Variants in FHDC1 observed in about 807,000 individuals in gnomAD.
FHDC1 encodes the protein FH2 domain-containing protein 1.
FHDC1 carries 25 observed loss-of-function variants against 52.6 expected under a neutral mutation model. The observed-to-expected ratio is 0.48, with a 90% CI of 0.35 to 0.66. The LOEUF (loss-of-function observed/expected upper bound fraction) is 0.66. Among genes scored for constraint, FHDC1 ranks in the 30% least tolerant of loss-of-function variants. The pLI is 0.01. For missense variants in FHDC1, 1,459 were observed against 1,452.8 expected (o/e 1.00, Z -0.07); for synonymous variants, 616 against 581.5 (o/e 1.06, Z -0.85).
chr4:152,938,070 G>A (rs116428930), intron 1 of FHDC1, among the ~76,000 whole-genome samples: 2,465 of 152,240 alleles, frequency 0.016, 63 homozygotes, highest in African/African-American at 0.055. Flanking sequence ...CGTGTGGACA[G>A]AAACGACCTC....
chr4:152,953,639 A>G, intron 3 of FHDC1, 79 bp downstream of exon 3: 1 of 1,217,236 alleles, frequency 8.2e-7, no homozygotes, highest in Non-Finnish European at 1.2e-6. Context: ...ACTGAGCTGG[A>G]ATTCAAATTC....
chr4:152,956,930 CG>C (rs139328686), intron 4 of FHDC1, among the ~76,000 whole-genome samples: 107 of 152,226 alleles, frequency 7.0e-4, no homozygotes, highest in African/African-American at 2.5e-3. Context: ...TAAACCCTCC[CG>C]GGTATCTGTG....
At chr4:152,935,138 C>A (rs918949269), upstream of FHDC1, among the ~76,000 whole-genome samples, 2 of 152,184 alleles carry the variant, frequency 1.3e-5, no homozygotes, top group East Asian at 3.8e-4. Flanking sequence ...TATTGGCAGG[C>A]ACAGTTTTGG....
chr4:152,961,396 G>C (rs925076863), intron 6 of FHDC1, among the ~76,000 whole-genome samples: 1 of 152,198 alleles, frequency 6.6e-6, no homozygotes, highest in Non-Finnish European at 1.5e-5. Context: ...ATTTAAATTT[G>C]AGAGGGGCAG....
Position 152,937,344 on chromosome 4 carries a change from C to T in FHDC1, c.-131+935C>T, listed in dbSNP as rs187543506. 2.3e-3 allele frequency among the ~76,000 whole-genome samples: 348 copies of T among 152,250 alleles called. 3 individuals carry two copies. Among genetic ancestry groups the T allele is most frequent in the African/African-American group, 7.8e-3 (324 of 41,574 alleles). ...GGAAGACCCCCCCTTTCGTTTCATTCACACGGACACCTCCCCTAGTTAGCC... is the reference window on the plus strand; with the variant it reads ...GGAAGACCCCCCCTTTCGTTTCATTTACACGGACACCTCCCCTAGTTAGCC... On this transcript the variant is annotated intron_variant, in intron 1 of 11. Coordinates refer to ENST00000511601, the MANE Select transcript of FHDC1 (RefSeq NM_001371116.1).
chr4:152,970,689 A>G (rs1317756791), intron 10 of FHDC1, among the ~76,000 whole-genome samples: 1 of 152,240 alleles, frequency 6.6e-6, no homozygotes, highest in Non-Finnish European at 1.5e-5. Context: ...ATACAGCATG[A>G]ATGCACACAC....
At chr4:152,947,820 G>T (rs530520646) in intron 2 of FHDC1, among the ~76,000 whole-genome samples, 4 of 152,204 alleles carry the variant, frequency 2.6e-5, no homozygotes, top group African/African-American at 9.6e-5. Flanking sequence ...AAGAGAGAGA[G>T]AGAGAGAGAG....
rs983238875 is a variant in FHDC1, at chr4:152,977,872, G to C, written c.*1149G>C. ...CTTCCCCATAAGCCTTGGGTATCCT[G>C]TGATGGGCTGTGTCTCCCTGAAGAT... On this transcript the variant is annotated 3_prime_UTR_variant, in exon 12 of 12. Transcript: ENST00000511601. The C allele has an allele frequency of 6.6e-6, 1 of 152,274 alleles. No homozygotes were observed. Among genetic ancestry groups the C allele is most frequent in the Non-Finnish European group, 1.5e-5 (1 of 68,088 alleles). The allele number at this position is 152,274 out of a possible 1,614,324, so 9.4% of individuals were successfully genotyped here.
At chr4:152,912,847 G>A in the FHDC1 span, among the ~76,000 whole-genome samples, 8 of 152,122 alleles carry the variant, frequency 5.3e-5, no homozygotes, top group African/African-American at 1.4e-4. Context: ...AAATCTTAGG[G>A]TCCAGGAACT....
intron 2 of FHDC1, among the ~76,000 whole-genome samples, chr4:152,943,946 C>T (rs1359674464): frequency 2.6e-5 from 4 of 152,212 alleles, no homozygotes; most frequent in Admixed American, 6.5e-5. Context: ...CTAGAGCTGA[C>T]TGGGGCAGAC....
At position 152,968,041 on chromosome 4, in the gene FHDC1, A is replaced by C; in HGVS notation, c.1162A>C (p.Lys388Gln). The C allele has an allele frequency of 6.2e-7, 1 of 1,613,984 alleles. No homozygotes were observed. The highest frequency in any genetic ancestry group is 8.5e-7 in the Non-Finnish European group (1 of 1,179,954). Residue 388 changes from lysine (K) to glutamine (Q), a missense_variant, in exon 10 of 12, where the codon AAA becomes CAA. Lys to Gln is a moderately conservative substitution (Grantham distance 53). Coordinates refer to ENST00000511601, the MANE Select transcript of FHDC1 (RefSeq NM_001371116.1). Reference protein sequence around the residue: ...HLLFVRTKSLKENIQRDGELC... With the variant: ...HLLFVRTKSLQENIQRDGELC... ...GCTGTTTGTCAGGACAAAATCACTA[A>C]AAGAAAACATCCAGCGGGATGGTGA...
At position 152,975,282 on chromosome 4, in the gene FHDC1, C is replaced by T. The variant is rs768103524; in HGVS notation, c.1991C>T (p.Ser664Leu). ...GGCTCAGCACAGTCCCCTCCTCTCT[C>T]GCCATTGGCTCTGGGAATTAAGGAG... ...SLGSAQSPPL[S>L]PLALGIKEHE... is the part of the protein sequence containing the mutation. The change falls in exon 12 of 12, where the codon TCG becomes TTG. Residue 664 changes from serine to leucine, a missense_variant. Ser to Leu is a moderately radical substitution (Grantham distance 145, BLOSUM62 -2). This residue lies in a region of FHDC1 where 939 missense variants were observed against 854.5 expected (regional missense o/e 1.10). Coordinates refer to ENST00000511601, the MANE Select transcript of FHDC1 (RefSeq NM_001371116.1). The T allele has an allele frequency of 8.7e-6, 14 of 1,613,484 alleles. No homozygotes were observed. The African/African-American group carries it at 1.1e-4, about 12-fold the overall frequency.
rs1740985790 is a variant in FHDC1, at chr4:152,978,753, A to G, written c.*2030A>G. 6.6e-6 allele frequency: 1 copy of G among 152,096 alleles called. No individual in the cohort carries two copies. The highest frequency in any genetic ancestry group is 6.5e-5 in the Admixed American group (1 of 15,276). 9.4% of individuals were successfully genotyped at this position (152,096 alleles called of 1,614,324 possible). On this transcript the variant is annotated 3_prime_UTR_variant, in exon 12 of 12. Transcript: ENST00000511601. ...AGGCAAATATGATGCGTTTGTGGGG[A>G]ATCCACGTGGTTGACGTTAGAACCT... is the stretch of plus-strand genomic sequence containing the variant.
At chr4:152,963,363 A>G (rs184200946) in intron 8 of FHDC1, among the ~76,000 whole-genome samples, 11 of 152,340 alleles carry the variant, frequency 7.2e-5, no homozygotes, top group African/African-American at 2.4e-4. Flanking sequence ...GAAGCCAGCT[A>G]TGAAGGATTT....
chr4:152,954,307 A>G lies in FHDC1; in HGVS notation c.651A>G (p.Pro217=). 1 of 1,613,704 alleles carries G rather than the reference A, an allele frequency of 6.2e-7. No homozygotes were observed. The highest frequency in any genetic ancestry group is 1.3e-5 in the African/African-American group (1 of 75,062). The change falls in exon 4 of 12, where the codon CCA becomes CCG. Residue 217 remains proline, a synonymous_variant. Transcript: ENST00000511601. ...ETLREFLKFL[P]ESEEVKKLKA... is the part of the protein sequence containing the mutation. The stretch of plus-strand genomic sequence containing the variant: ...TGCGAGAATTTCTTAAGTTTTTGCC[A>G]GAGTCAGAAGAGGTAAGAAATTCAG...
chr4:152,964,879 G>A, intron 8 of FHDC1, 26 bp from the exon 9 acceptor site: 1 of 1,570,482 alleles, frequency 6.4e-7, no homozygotes, highest in Non-Finnish European at 8.7e-7. Context: ...TCAACATAGT[G>A]AGATAAAATT....
intron 8 of FHDC1, among the ~76,000 whole-genome samples, chr4:152,963,377 T>C (rs1427419142): frequency 6.6e-6 from 1 of 152,178 alleles, no homozygotes; most frequent in Non-Finnish European, 1.5e-5. Context: ...AGGATTTAAG[T>C]GTCAAAGGTG....
At chr4:152,930,997 A>ACACACTCTCT in the FHDC1 span, among the ~76,000 whole-genome samples, 211 of 113,228 alleles carry the variant, frequency 1.9e-3, 1 homozygote, top group African/African-American at 6.5e-3. Flanking sequence ...ACACACACAC[A>ACACACTCTCT]CTCTCTCTCT....
chr4:152,912,762 G>C, the FHDC1 span, among the ~76,000 whole-genome samples: 1 of 152,170 alleles, frequency 6.6e-6, no homozygotes, highest in Non-Finnish European at 1.5e-5. Context: ...CATTAAAATA[G>C]AAGTTGTTAT....
Sources: gnomAD v4.1 joint callset for allele counts (sites outside exome capture counted in the v4.1 genomes callset) on GRCh38, gnomAD v4.1.1 for gene constraint, gnomAD v4.1.1 regional missense constraint, MANE v1.5 for transcripts, NCBI Gene and HGNC (gene_info 2026-07-23, HGNC 2026-07-21) for gene names.